The following GLIS3 variants were observed in gnomAD, a reference collection of about 807,000 sequenced individuals.
GLIS3 encodes the protein zinc finger protein GLIS3.
Under a neutral mutation model 78.6 loss-of-function variants are expected in GLIS3, and 53 were observed. The ratio of observed to expected loss-of-function variants is 0.67; its 90% CI spans 0.54 to 0.85. GLIS3 has a LOEUF of 0.85. Ranked by LOEUF, GLIS3 falls within the 40% of genes least tolerant of loss-of-function variation. GLIS3 has a pLI of 0.00. For synonymous variants in GLIS3, 684 were observed against 509.9 expected (o/e 1.34, Z -4.60); for missense variants, 1,703 against 1,231.1 (o/e 1.38, Z -5.74).
chr9:4,215,283 C>A (rs931256366), intron 2 of GLIS3, among the ~76,000 whole-genome samples: 2 of 152,050 alleles, frequency 1.3e-5, no homozygotes, highest in African/African-American at 4.8e-5. Context: ...TTATTGGCCA[C>A]AGTTTTGCCT....
Position 4,118,783 on chromosome 9 carries a change from C to T in GLIS3, c.695G>A (p.Arg232Lys), listed in dbSNP as rs1831953666. The T allele has an allele frequency of 6.2e-7, 1 of 1,612,156 alleles. No individual in the cohort carries two copies. Among genetic ancestry groups the T allele is most frequent in the Non-Finnish European group, 8.5e-7 (1 of 1,180,010 alleles). ...GTGGTTGGAGAGCGAAGGGAGGGCC[C>T]TGTAGCCCTGGGACCACTCCTGCTT... ...SMKQEWSQGY[R>K]ALPSLSNHGS... Residue 232 changes from arginine to lysine, a missense_variant, in exon 4 of 11, where the codon AGG becomes AAG. Arg to Lys is a conservative substitution (Grantham distance 26). Coordinates refer to ENST00000381971, the MANE Select transcript of GLIS3 (RefSeq NM_001042413.2). The surrounding 1 kb of genome is among the most constrained non-coding windows in gnomAD (Gnocchi z 4.7).
chr9:4,273,791 C>A (rs539647552), intron 2 of GLIS3, among the ~76,000 whole-genome samples: 5 of 152,074 alleles, frequency 3.3e-5, no homozygotes, highest in Non-Finnish European at 5.9e-5. Context: ...CACTCTCCTC[C>A]CTACCCAAGA....
chr9:4,335,641 G>C (rs924667441), intron 2 of GLIS3, among the ~76,000 whole-genome samples: 1 of 152,112 alleles, frequency 6.6e-6, no homozygotes, highest in Non-Finnish European at 1.5e-5. Context: ...TAAGTAGCCC[G>C]GGGTTAAACA....
chr9:4,034,934 C>T (rs797008655), intron 4 of GLIS3: 15 of 152,238 alleles, frequency 9.9e-5, no homozygotes, highest in African/African-American at 3.6e-4. Flanking sequence ...TTCATATTCT[C>T]TTGTAGTAGC....
At chr9:4,411,032 A>G in the GLIS3 span, among the ~76,000 whole-genome samples, 2 of 152,380 alleles carry the variant, frequency 1.3e-5, no homozygotes, top group South Asian at 4.1e-4. Context: ...AACCAAAACA[A>G]GTATGTAAAA....
At chr9:4,142,795 C>G (rs1252680042) in intron 2 of GLIS3, among the ~76,000 whole-genome samples, 2 of 152,144 alleles carry the variant, frequency 1.3e-5, no homozygotes, top group African/African-American at 4.8e-5. Flanking sequence ...TCCAAATTCT[C>G]AAAATGGAAT....
intron 4 of GLIS3, among the ~76,000 whole-genome samples, chr9:3,943,604 G>C (rs1251089351): frequency 6.6e-6 from 1 of 152,188 alleles, no homozygotes; most frequent in African/African-American, 2.4e-5. Context: ...TAACTTCAGG[G>C]AAATCAGTGT....
At chr9:4,471,946 G>A in the GLIS3 span, among the ~76,000 whole-genome samples, 2 of 152,188 alleles carry the variant, frequency 1.3e-5, no homozygotes, top group East Asian at 3.8e-4. Context: ...AGTGGGCAAA[G>A]GATGTGAACA....
At chr9:4,092,705 T>C (rs568251050) in intron 4 of GLIS3, among the ~76,000 whole-genome samples, 58 of 152,262 alleles carry the variant, frequency 3.8e-4, no homozygotes, top group African/African-American at 1.3e-3. Context: ...TCTCCCATAA[T>C]AACAATGCTT....
At chr9:3,928,905 T>G (rs796878402) in intron 6 of GLIS3, among the ~76,000 whole-genome samples, 12 of 152,366 alleles carry the variant, frequency 7.9e-5, no homozygotes, top group African/African-American at 2.9e-4. Context: ...TTGTATGCAC[T>G]TTTAAAAAGT....
In GLIS3 at chr9:3,936,736, A is replaced by T. The variant is rs664334; in HGVS notation, c.1872+292T>A. On this transcript the variant is annotated intron_variant, in intron 5 of 10. Coordinates refer to ENST00000381971, the MANE Select transcript of GLIS3 (RefSeq NM_001042413.2). ...CTCTCCTGATCACTCTCTGTACTAA[A>T]ATCTACTACATGACAGCCCCTAAAC... 2.0e-5 allele frequency among the ~76,000 whole-genome samples: 3 copies of T among 152,264 alleles called. No homozygotes were observed. The South Asian group carries it at 6.2e-4, about 32-fold the overall frequency.
chr9:4,443,816 CA>C, the GLIS3 span, among the ~76,000 whole-genome samples: 1 of 152,228 alleles, frequency 6.6e-6, no homozygotes, highest in East Asian at 1.9e-4. Flanking sequence ...TTGTTTTCCC[CA>C]AATGCAAGAA....
At chr9:4,467,174 C>T in the GLIS3 span, among the ~76,000 whole-genome samples, 1 of 152,228 alleles carries the variant, frequency 6.6e-6, no homozygotes, top group Non-Finnish European at 1.5e-5. Context: ...TCAAGGAGGC[C>T]TGCCTGCCTC....
chr9:4,371,422 T>A, the GLIS3 span, among the ~76,000 whole-genome samples: 1 of 152,218 alleles, frequency 6.6e-6, no homozygotes, highest in African/African-American at 2.4e-5. Context: ...GTGCTAAGCC[T>A]TTCCTTTGAA....
intron 4 of GLIS3, among the ~76,000 whole-genome samples, chr9:4,092,283 C>G (rs556670033): frequency 6.6e-6 from 1 of 151,892 alleles, no homozygotes; most frequent in South Asian, 2.1e-4. Flanking sequence ...TCCCGAGTAG[C>G]TGGGACTACA....
chr9:4,312,122 C>T (rs547048455), intron 2 of GLIS3, among the ~76,000 whole-genome samples: 1 of 152,114 alleles, frequency 6.6e-6, no homozygotes, highest in Non-Finnish European at 1.5e-5. Flanking sequence ...ACACATGTAC[C>T]TCTGAACCTA....
At chr9:4,447,050 AT>A in the GLIS3 span, among the ~76,000 whole-genome samples, 43 of 148,398 alleles carry the variant, frequency 2.9e-4, no homozygotes, top group Non-Finnish European at 4.3e-4. Context: ...ATAATGCTTA[AT>A]TTTTTTTTTT....
At chr9:4,340,088 G>A (rs1035948728) in intron 2 of GLIS3, among the ~76,000 whole-genome samples, 1 of 151,612 alleles carries the variant, frequency 6.6e-6, no homozygotes, top group African/African-American at 2.4e-5. Context: ...TCACGGCTTG[G>A]CTTAGCATGA....
the GLIS3 span, among the ~76,000 whole-genome samples, chr9:4,428,324 C>G: frequency 6.6e-6 from 1 of 151,448 alleles, no homozygotes; most frequent in Non-Finnish European, 1.5e-5. Context: ...ACTAAAAATA[C>G]AAAAATTAGC....
Sources: allele counts gnomAD v4.1 joint callset (sites outside exome capture counted in the v4.1 genomes callset), GRCh38; gene constraint gnomAD v4.1.1; non-coding constraint Gnocchi (gnomAD v3.1); transcripts MANE v1.5; gene names NCBI Gene and HGNC (gene_info 2026-07-23, HGNC 2026-07-21).